The following ALOX5 variants were observed in gnomAD, a reference collection of about 807,000 sequenced individuals.
ALOX5 encodes arachidonate 5-lipoxygenase.
In ALOX5, 64 loss-of-function variants were observed where a neutral mutation model predicts 87.9. The observed-to-expected ratio is 0.73, with a 90% CI of 0.60 to 0.90. The LOEUF (loss-of-function observed/expected upper bound fraction) is 0.90, where lower values mean the gene tolerates loss of function less well. ALOX5 is among the 40% of genes least tolerant of loss of function. The pLI is 0.00. For missense variants in ALOX5, 822 were observed against 907.5 expected, an observed-to-expected ratio of 0.91 and a Z score of 1.21; for synonymous variants, 388 against 355.1, an observed-to-expected ratio of 1.09 and a Z score of -1.04.
rs150738590 is a variant in ALOX5, at chr10:45,443,744, C to T, written c.1590C>T (p.Val530=). ...CCACCCTAGGCTTCCCCAAGTCGGT[C>T]AAGAGCCGGGAGCAGCTGTCGGAGT... ...GRKSSGFPKS[V]KSREQLSEYL... is the part of the protein sequence containing the mutation. Residue 530 remains valine (V), a synonymous_variant, in exon 12 of 14, where the codon GTC becomes GTT. Coordinates refer to ENST00000374391, the MANE Select transcript of ALOX5 (RefSeq NM_000698.5). 10 of 1,612,118 alleles carry T rather than the reference C, an allele frequency of 6.2e-6. No homozygotes were observed. The African/African-American group carries it at 8.0e-5, about 13-fold the overall frequency.
intron 4 of ALOX5, among the ~76,000 whole-genome samples, chr10:45,414,812 C>T (rs1261765932): frequency 6.6e-6 from 1 of 152,220 alleles, no homozygotes; most frequent in East Asian, 1.9e-4. Flanking sequence ...GACATTCATG[C>T]AGCCAATAGA....
At chr10:45,421,715 G>A (rs1225558550) in intron 4 of ALOX5, among the ~76,000 whole-genome samples, 8 of 152,218 alleles carry the variant, frequency 5.3e-5, no homozygotes, top group Admixed American at 1.3e-4. Context: ...CTGTGTAAAA[G>A]CCCCTCCTTC....
chr10:45,445,529 G>A lies in ALOX5; in HGVS notation c.1867G>A (p.Glu623Lys). 2 of 1,614,154 alleles carry A rather than the reference G, an allele frequency of 1.2e-6. No individual in the cohort carries two copies. Among genetic ancestry groups the A allele is most frequent in the Middle Eastern group, 1.7e-4 (1 of 6,060 alleles). ...TCAGCTGTTCCTGGGCATGTACCCA[G>A]AAGAGCATTTTATCGAGAAGCCTGT... ...ENELFLGMYP[E>K]EHFIEKPVKE... The change falls in exon 14 of 14, where the codon GAA (glutamate) becomes AAA (lysine). Residue 623 changes from glutamate (E) to lysine (K), a missense_variant. Coordinates refer to ENST00000374391, the MANE Select transcript of ALOX5 (RefSeq NM_000698.5).
intron 2 of ALOX5, among the ~76,000 whole-genome samples, chr10:45,388,094 G>A (rs1460666831): frequency 2.6e-5 from 4 of 152,180 alleles, no homozygotes; most frequent in Admixed American, 2.6e-4. Flanking sequence ...CCCTAATACT[G>A]TACTTTTCCA....
At chr10:45,383,435 A>G (rs1364411472) in intron 2 of ALOX5, among the ~76,000 whole-genome samples, 2 of 152,152 alleles carry the variant, frequency 1.3e-5, no homozygotes, top group Non-Finnish European at 2.9e-5. Flanking sequence ...GCAAAATCCT[A>G]CCTCACTTCG....
intron 7 of ALOX5, among the ~76,000 whole-genome samples, chr10:45,436,983 CTA>C (rs1266914731): frequency 1.3e-5 from 2 of 152,086 alleles, no homozygotes; most frequent in Non-Finnish European, 2.9e-5. Context: ...GTATGGGGGA[CTA>C]TTGTAACTGA....
chr10:45,398,085 A>G (rs990121540), intron 3 of ALOX5, among the ~76,000 whole-genome samples: 2 of 152,246 alleles, frequency 1.3e-5, no homozygotes, highest in Non-Finnish European at 2.9e-5. Flanking sequence ...GCACTTCTCA[A>G]TATCAAAATT....
chr10:45,432,899 AG>A (rs1841953194), intron 7 of ALOX5, among the ~76,000 whole-genome samples: 1 of 152,264 alleles, frequency 6.6e-6, no homozygotes, highest in Non-Finnish European at 1.5e-5. Context: ...TAACCATAAC[AG>A]AAGTGACAGC....
At position 45,395,781 on chromosome 10, in the gene ALOX5, A is replaced by T. The variant is rs551273597; in HGVS notation, c.350-74A>T. 4.7e-5 allele frequency: 64 copies of T among 1,369,760 alleles called. No homozygotes were observed. In the East Asian group the frequency reaches 1.3e-3, roughly 27 times the overall value. 84.9% of individuals were successfully genotyped at this position (1,369,760 alleles called of 1,614,324 possible). A position where few individuals can be genotyped will look rare whatever the true frequency, so the allele number is the denominator to read the frequency against. ...TCGGCATGGGCAGGGCATCTGAGGGAAGCCTGAACACTTGGCATTGGGCAT... is the reference window on the plus strand; with the variant it reads ...TCGGCATGGGCAGGGCATCTGAGGGTAGCCTGAACACTTGGCATTGGGCAT... On this transcript the variant is annotated intron_variant, in intron 2 of 13. Transcript: ENST00000374391.
At chr10:45,390,079 C>A (rs890341349) in intron 2 of ALOX5, among the ~76,000 whole-genome samples, 7 of 151,982 alleles carry the variant, frequency 4.6e-5, no homozygotes, top group African/African-American at 1.7e-4. Flanking sequence ...CAACAAAGAT[C>A]AAAAGAGACA....
intron 2 of ALOX5, among the ~76,000 whole-genome samples, chr10:45,386,575 C>T (rs1840015540): frequency 6.6e-6 from 1 of 150,932 alleles, no homozygotes; most frequent in African/African-American, 2.4e-5. Flanking sequence ...ACTTTTGCAC[C>T]TAATAAGAAA....
intron 7 of ALOX5, among the ~76,000 whole-genome samples, chr10:45,439,250 C>A (rs1176934196): frequency 3.3e-5 from 5 of 152,122 alleles, no homozygotes; most frequent in Non-Finnish European, 5.9e-5. Context: ...TATTGGACAG[C>A]ACTGTTTTCG....
At chr10:45,424,797 C>G (rs977904418) in intron 5 of ALOX5, among the ~76,000 whole-genome samples, 163 bp from the exon 6 acceptor site, 2 of 152,188 alleles carry the variant, frequency 1.3e-5, no homozygotes, top group African/African-American at 4.8e-5. Flanking sequence ...CACAGCCTGA[C>G]CCAGTGATGG....
In ALOX5 at chr10:45,389,959, C is replaced by T. The variant is rs185520021; in HGVS notation, c.350-5896C>T. ...GTATTCAGGAAACCCATCTCATGTG[C>T]GGAGACACACATAAGCTCAAAATAA... On this transcript the variant is annotated intron_variant, in intron 2 of 13. Transcript: ENST00000374391. 2.1e-3 allele frequency among the ~76,000 whole-genome samples: 318 copies of T among 152,262 alleles called. 6 individuals carry two copies. Among genetic ancestry groups the T allele is most frequent in the Admixed American group, 0.016 (248 of 15,294 alleles).
intron 12 of ALOX5, 126 bp downstream of exon 12, chr10:45,443,954 T>G: frequency 7.0e-7 from 1 of 1,435,554 alleles, no homozygotes; most frequent in East Asian, 2.5e-5. Context: ...ACTTGCAGGA[T>G]GGATTCTGCC....
chr10:45,423,534 T>C (rs1444453745), intron 4 of ALOX5, among the ~76,000 whole-genome samples: 1 of 152,232 alleles, frequency 6.6e-6, no homozygotes, highest in Non-Finnish European at 1.5e-5. Context: ...ATTCTGAATT[T>C]AGCAAGCTCT....
intron 4 of ALOX5, among the ~76,000 whole-genome samples, chr10:45,412,940 C>T (rs1349896781): frequency 6.6e-6 from 1 of 152,202 alleles, no homozygotes; most frequent in Non-Finnish European, 1.5e-5. Context: ...GCTTGTTAAA[C>T]ATATGGATCC....
chr10:45,412,263 C>G lies in ALOX5; in HGVS notation c.504C>G (p.Ile168Met). The change falls in exon 4 of 14, where the codon ATC becomes ATG. Residue 168 changes from isoleucine to methionine, a missense_variant. Physicochemically the swap from Ile to Met is conservative, Grantham distance 10. Coordinates refer to ENST00000374391, the MANE Select transcript of ALOX5 (RefSeq NM_000698.5). ...AKCHKDLPRDIQFDSEKGVDF... is the reference protein window; with the variant it reads ...AKCHKDLPRDMQFDSEKGVDF... ...GCCACAAGGATTTACCCCGTGATAT[C>G]CAGTTTGATAGTGAAAAAGGAGTGG... is the stretch of plus-strand genomic sequence containing the variant. 6.2e-7 allele frequency: 1 copy of G among 1,614,128 alleles called. No individual in the cohort carries two copies. The highest frequency in any genetic ancestry group is 8.5e-7 in the Non-Finnish European group (1 of 1,180,026).
chr10:45,426,438 T>G (rs1841706997), intron 6 of ALOX5, among the ~76,000 whole-genome samples: 1 of 152,222 alleles, frequency 6.6e-6, no homozygotes, highest in Non-Finnish European at 1.5e-5. Context: ...GCATGATTCT[T>G]AATCCCCACA....
Sources: allele counts gnomAD v4.1 joint callset (sites outside exome capture counted in the v4.1 genomes callset), GRCh38; gene constraint gnomAD v4.1.1; transcripts MANE v1.5; gene names NCBI Gene and HGNC (gene_info 2026-07-23, HGNC 2026-07-21).